Variants in CRTAC1 observed in about 807,000 individuals in gnomAD.
CRTAC1 encodes acidic secreted protein in cartilage.
CRTAC1 carries 37 observed loss-of-function variants against 67.8 expected under a neutral mutation model. The observed-to-expected ratio is 0.55, with a 90% CI of 0.42 to 0.72. The LOEUF is 0.72. Ranked by LOEUF, CRTAC1 falls within the 30% of genes least tolerant of loss-of-function variation. CRTAC1 has a pLI of 0.00. For synonymous variants in CRTAC1, 348 were observed against 371.0 expected (o/e 0.94, Z 0.71); for missense variants, 780 against 931.6 (o/e 0.84, Z 2.12).
chr10:98,013,085 C>T (rs1005405028), intron 1 of CRTAC1, among the ~76,000 whole-genome samples: 12 of 152,024 alleles, frequency 7.9e-5, no homozygotes, highest in African/African-American at 1.9e-4. Flanking sequence ...GTCGACATGC[C>T]GAAATGTAGC....
intron 1 of CRTAC1, among the ~76,000 whole-genome samples, chr10:98,015,680 C>T (rs1842984155): frequency 6.6e-6 from 1 of 152,118 alleles, no homozygotes; most frequent in Non-Finnish European, 1.5e-5. Flanking sequence ...TAATATGTTG[C>T]AAAATTTGAT....
chr10:97,900,251 C>A (rs2136563691), intron 8 of CRTAC1, among the ~76,000 whole-genome samples: 1 of 152,352 alleles, frequency 6.6e-6, no homozygotes, highest in Non-Finnish European at 1.5e-5. Context: ...CTACCAGGAA[C>A]CCTTGTCATC....
At position 97,896,917 on chromosome 10, in the gene CRTAC1, C is replaced by T. The variant is rs550794669; in HGVS notation, c.1208G>A (p.Arg403Gln). The change falls in exon 9 of 15, where the codon CGG becomes CAG. Residue 403 changes from arginine to glutamine, a missense_variant. Coordinates refer to ENST00000370597, the MANE Select transcript of CRTAC1 (RefSeq NM_018058.7). ...NPGDALEPEG[R>Q]GTGGVVTDFD... ...CCCCAGGTGCCCCTCACCTGTGCCCCGGCCCTCAGGCTCCAAGGCGTCGCC... is the reference window on the plus strand; with the variant it reads ...CCCCAGGTGCCCCTCACCTGTGCCCTGGCCCTCAGGCTCCAAGGCGTCGCC... 29 of 1,556,736 alleles carry T rather than the reference C, an allele frequency of 1.9e-5. No homozygotes were observed. Among genetic ancestry groups the T allele is most frequent in the Admixed American group, 1.7e-4 (9 of 51,944 alleles).
At position 97,975,698 on chromosome 10, in the gene CRTAC1, G is replaced by A. The variant is rs1191334051; in HGVS notation, c.224+35440C>T. ...GCCTGCACAGCCTCACACGGGGGTAGGGCTGGGGGAGACGAGGGAAGACTG... is the reference window on the plus strand; with the variant it reads ...GCCTGCACAGCCTCACACGGGGGTAAGGCTGGGGGAGACGAGGGAAGACTG... On this transcript the variant is annotated intron_variant, in intron 2 of 14. Transcript: ENST00000370597. The surrounding 1 kb of genome is among the most constrained non-coding windows in gnomAD (Gnocchi z 4.8). 6.6e-6 allele frequency among the ~76,000 whole-genome samples: 1 copy of A among 152,204 alleles called. No individual in the cohort carries two copies. Among genetic ancestry groups the A allele is most frequent in the Non-Finnish European group, 1.5e-5 (1 of 68,030 alleles).
chr10:97,901,504 G>T lies in CRTAC1; in HGVS notation c.1132C>A (p.Arg378Ser). Residue 378 changes from arginine (R) to serine (S), a missense_variant and splice_region_variant, in exon 8 of 15, where the codon CGC (arginine) becomes AGC (serine). By Grantham distance (110) the Arg-to-Ser change is moderately radical. Coordinates refer to ENST00000370597, the MANE Select transcript of CRTAC1 (RefSeq NM_018058.7). The part of the protein sequence containing the change: ...YRSSSANRLF[R>S]VIRREHGDPL... ...CACGAGCCAGGATGGAGCATCTACC[G>T]GAAGAGGCGGTTGGCTGAGGAGCTG... The T allele has an allele frequency of 1.2e-6, 2 of 1,614,098 alleles. No individual in the cohort carries two copies. The highest frequency in any genetic ancestry group is 1.7e-6 in the Non-Finnish European group (2 of 1,179,986).
chr10:97,997,451 CAA>C (rs746635057), intron 2 of CRTAC1, among the ~76,000 whole-genome samples: 7,475 of 47,328 alleles, frequency 0.16, 97 homozygotes, highest in South Asian at 0.19. Flanking sequence ...GACTCTGTCT[CAA>C]AAAAAAAAAA....
rs139450649 is a variant in CRTAC1, at chr10:97,905,543, G to T, written c.851-729C>A. On this transcript the variant is annotated intron_variant, in intron 6 of 14. Transcript: ENST00000370597. ...TCCAACATGTTGATCACAATGTGCG[G>T]TTACGTTCCTTTGTGGTTGACTTGT... Among the ~76,000 whole-genome samples the T allele has an allele frequency of 3.0e-4, 46 of 152,308 alleles. No homozygotes were observed. The East Asian group carries it at 8.7e-3, about 29-fold the overall frequency.
intron 2 of CRTAC1, among the ~76,000 whole-genome samples, chr10:97,998,491 T>C (rs1842627920): frequency 6.6e-6 from 1 of 152,020 alleles, no homozygotes; most frequent in African/African-American, 2.4e-5. Context: ...AAAGAAACAA[T>C]GGCAACCATT....
intron 6 of CRTAC1, among the ~76,000 whole-genome samples, chr10:97,907,548 C>T (rs969118905): frequency 3.5e-5 from 3 of 85,270 alleles, no homozygotes; most frequent in Non-Finnish European, 9.2e-5. Context: ...ATTGCCTTTT[C>T]TGTGTGTAGG....
chr10:98,022,209 G>A (rs1380886810), intron 1 of CRTAC1, among the ~76,000 whole-genome samples: 1 of 152,054 alleles, frequency 6.6e-6, no homozygotes, highest in Non-Finnish European at 1.5e-5. Context: ...TACAAAATTA[G>A]CTGGGTGTGG....
chr10:97,887,277 T>C (rs2050300791), intron 11 of CRTAC1, among the ~76,000 whole-genome samples: 1 of 151,302 alleles, frequency 6.6e-6, no homozygotes, highest in South Asian at 2.1e-4. Flanking sequence ...GTTTTGCTCT[T>C]GTTGCCCAGG....
chr10:97,939,191 A>T (rs1466459454), intron 2 of CRTAC1, among the ~76,000 whole-genome samples: 2 of 152,158 alleles, frequency 1.3e-5, no homozygotes, highest in Admixed American at 6.5e-5. Context: ...GCCTCCTCAC[A>T]TATTGGAGTC....
chr10:97,930,268 G>T (rs2050984512), intron 3 of CRTAC1, among the ~76,000 whole-genome samples: 1 of 152,226 alleles, frequency 6.6e-6, no homozygotes, highest in Non-Finnish European at 1.5e-5. Flanking sequence ...TCCTAAGGAA[G>T]CTTGTTCCTT....
At chr10:97,921,901 CT>C (rs55837214) in intron 4 of CRTAC1, among the ~76,000 whole-genome samples, 95,689 of 144,910 alleles carry the variant, frequency 0.66, 32,351 homozygotes, top group East Asian at 0.81. Context: ...GCCAGGTCAT[CT>C]TTTTTTTTTT....
intron 8 of CRTAC1, among the ~76,000 whole-genome samples, chr10:97,898,264 C>T (rs937076984): frequency 1.3e-5 from 2 of 152,268 alleles, no homozygotes; most frequent in Middle Eastern, 3.4e-3. Flanking sequence ...GCTCAGAGTC[C>T]GTGTTAACAG....
At chr10:97,963,867 G>A (rs2051568308) in intron 2 of CRTAC1, among the ~76,000 whole-genome samples, 1 of 152,218 alleles carries the variant, frequency 6.6e-6, no homozygotes, top group African/African-American at 2.4e-5. Flanking sequence ...TTGAGGCTCG[G>A]AGAGGTTGTG....
intron 8 of CRTAC1, among the ~76,000 whole-genome samples, chr10:97,899,182 C>A (rs1288632792): frequency 6.7e-6 from 1 of 148,702 alleles, no homozygotes; most frequent in East Asian, 1.9e-4. Context: ...CCAGATGCAG[C>A]CCCTCTCGCT....
chr10:98,020,698 G>A (rs1428724901), intron 1 of CRTAC1, among the ~76,000 whole-genome samples: 1 of 152,238 alleles, frequency 6.6e-6, no homozygotes, highest in African/African-American at 2.4e-5. Flanking sequence ...CCAGGCTGAG[G>A]GGAGCAGGTG....
chr10:97,911,748 T>G (rs894165744), intron 5 of CRTAC1, among the ~76,000 whole-genome samples: 9 of 152,232 alleles, frequency 5.9e-5, no homozygotes, highest in African/African-American at 1.7e-4. Flanking sequence ...AAAGGCCAAT[T>G]ATTCAGCAAA....
Sources: allele counts gnomAD v4.1 joint callset (sites outside exome capture counted in the v4.1 genomes callset), GRCh38; gene constraint gnomAD v4.1.1; non-coding constraint Gnocchi (gnomAD v3.1); transcripts MANE v1.5; gene names NCBI Gene and HGNC (gene_info 2026-07-23, HGNC 2026-07-21).